Variants in ATP5MC2 observed in about 807,000 individuals in gnomAD.
ATP5MC2 encodes the protein ATP synthase membrane subunit c locus 2.
In ATP5MC2, 11 loss-of-function variants were observed where a neutral mutation model predicts 13.5. That is an observed-to-expected ratio of 0.81 (90% CI 0.51 to 1.35). ATP5MC2 has a LOEUF of 1.35. Among genes scored for constraint, ATP5MC2 ranks in the 40% most tolerant of loss-of-function variants. ATP5MC2 has a pLI of 0.00. For synonymous variants in ATP5MC2, 64 were observed against 69.7 expected, an observed-to-expected ratio of 0.92 and a Z score of 0.41; for missense variants, 132 against 175.0, an observed-to-expected ratio of 0.75 and a Z score of 1.39.
upstream of ATP5MC2, chr12:53,676,147 C>G: frequency 3.1e-6 from 5 of 1,614,240 alleles, no homozygotes; most frequent in Non-Finnish European, 4.2e-6. Context: ...ACGAGTCGCT[C>G]AGCCACGGAT....
chr12:53,676,346 G>T, upstream of ATP5MC2: 1 of 1,157,340 alleles, frequency 8.6e-7, no homozygotes, highest in Non-Finnish European at 1.2e-6. Context: ...GGTCTGTACC[G>T]CGTTTGGGAT....
chr12:53,677,902 G>A (rs1945313778), upstream of ATP5MC2, among the ~76,000 whole-genome samples: 2 of 152,214 alleles, frequency 1.3e-5, no homozygotes, highest in Admixed American at 1.3e-4. Flanking sequence ...ATTCTTTTAA[G>A]CTGTCAGCTT....
chr12:53,668,241 G>C (rs1333064733), intron 4 of ATP5MC2, among the ~76,000 whole-genome samples: 1 of 150,752 alleles, frequency 6.6e-6, no homozygotes, highest in Non-Finnish European at 1.5e-5. Flanking sequence ...CACTCGCCTT[G>C]ACCTCCCAAA....
upstream of ATP5MC2, chr12:53,676,098 G>A (rs149471306): frequency 7.4e-6 from 12 of 1,614,272 alleles, no homozygotes; most frequent in Admixed American, 1.7e-5. Context: ...GCAGCGGGAA[G>A]AGCGAAAGGA....
intron 1 of ATP5MC2, among the ~76,000 whole-genome samples, chr12:53,675,471 C>G (rs1004836311): frequency 2.0e-5 from 3 of 152,184 alleles, no homozygotes; most frequent in African/African-American, 7.2e-5. Context: ...TCTCTTCTGC[C>G]TTAGCTATCC....
intron 2 of ATP5MC2, 89 bp downstream of exon 2, chr12:53,672,487 C>G (rs10876480): frequency 0.28 from 393,876 of 1,382,922 alleles, 57,612 homozygotes; most frequent in Admixed American, 0.39. Flanking sequence ...CTCCTCTCCC[C>G]CAGCCTTGCT....
chr12:53,669,073 G>A (rs1349569461), intron 4 of ATP5MC2, 75 bp downstream of exon 4: 5 of 1,531,190 alleles, frequency 3.3e-6, no homozygotes, highest in Non-Finnish European at 4.4e-6. Flanking sequence ...GGATAGTATA[G>A]TTCTAGACCC....
At position 53,676,052 on chromosome 12, in the gene ATP5MC2, C is replaced by A; in HGVS notation, c.-32+1G>T. On this transcript the variant is annotated splice_donor_variant, in intron 1 of 4. Transcript: ENST00000394349. LOFTEE classifies it low-confidence loss of function (5UTR_SPLICE). ...GAGGGCTCTAGGTCCCAAGGCCTTA[C>A]CTGCTCCCACTGCAGAGAAGACAGA... 6.2e-7 allele frequency: 1 copy of A among 1,613,676 alleles called. No homozygotes were observed. Among genetic ancestry groups the A allele is most frequent in the Non-Finnish European group, 8.5e-7 (1 of 1,179,892 alleles).
upstream of ATP5MC2, among the ~76,000 whole-genome samples, chr12:53,679,520 G>A (rs1945329958): frequency 1.3e-5 from 2 of 152,142 alleles, no homozygotes; most frequent in African/African-American, 2.4e-5. Context: ...TTCATCTCTC[G>A]AAGCTTTAGT....
At chr12:53,675,515 C>T (rs1040903626) in intron 1 of ATP5MC2, among the ~76,000 whole-genome samples, 3 of 152,148 alleles carry the variant, frequency 2.0e-5, no homozygotes, top group African/African-American at 7.2e-5. Context: ...GATGTTTTGG[C>T]TTTTTTTCCC....
In ATP5MC2 at chr12:53,672,630, A is replaced by G. The variant is rs1945135695; in HGVS notation, c.-16T>C. The G allele has an allele frequency of 6.3e-7, 1 of 1,580,458 alleles. No individual in the cohort carries two copies. Among genetic ancestry groups the G allele is most frequent in the Non-Finnish European group, 8.6e-7 (1 of 1,162,820 alleles). On this transcript the variant is annotated 5_prime_UTR_variant, in exon 2 of 5. Coordinates refer to ENST00000394349, the MANE Select transcript of ATP5MC2 (RefSeq NM_005176.7). Reference sequence around the variant, plus strand: ...AGGCGAACATTTTCAGGGGGTGAGGAGCTGTGGCAGGAGAGCTGGAATTAC... The same window carrying G: ...AGGCGAACATTTTCAGGGGGTGAGGGGCTGTGGCAGGAGAGCTGGAATTAC...
chr12:53,676,296 C>A (rs1417857438), upstream of ATP5MC2: 2 of 1,524,178 alleles, frequency 1.3e-6, no homozygotes, highest in African/African-American at 2.7e-5. Flanking sequence ...ATGAGGCCAA[C>A]TCCGCGGAGT....
rs1215446048 is a variant in ATP5MC2 at position 53,665,395 on chromosome 12, G to A, written c.345C>T (p.Tyr115=). The A allele has an allele frequency of 1.9e-6, 3 of 1,614,186 alleles. No homozygotes were observed. The highest frequency in any genetic ancestry group is 8.5e-7 in the Non-Finnish European group (1 of 1,180,030). The change falls in exon 5 of 5, where the codon TAC becomes TAT. Residue 115 remains tyrosine (Y), a synonymous_variant. Coordinates refer to ENST00000394349, the MANE Select transcript of ATP5MC2 (RefSeq NM_005176.7). The part of the protein sequence containing the change: ...NPSLKQQLFS[Y]AILGFALSEA... ...CCGAGAGGGCAAAGCCCAGAATGGC[G>A]TAGGAGAAGAGCTGTTGCTTCAGAG... is the stretch of plus-strand genomic sequence containing the variant.
chr12:53,669,724 C>T (rs1333737182), intron 3 of ATP5MC2, 147 bp downstream of exon 3: 3 of 847,646 alleles, frequency 3.5e-6, no homozygotes, highest in African/African-American at 3.4e-5. Flanking sequence ...TAAGTGTCCT[C>T]CATCTCCACC....
chr12:53,677,467 T>G (rs962946184), upstream of ATP5MC2: 2 of 152,216 alleles, frequency 1.3e-5, no homozygotes, highest in African/African-American at 4.8e-5. Flanking sequence ...GGCCAATCCA[T>G]CTTGCAGGCG....
rs540975630 is a variant in ATP5MC2 at position 53,676,081 on chromosome 12, G to C, written c.-60C>G. On this transcript the variant is annotated 5_prime_UTR_variant, in exon 1 of 5. Coordinates refer to ENST00000394349, the MANE Select transcript of ATP5MC2 (RefSeq NM_005176.7). ...CTCCCACTGCAGAGAAGACAGAGAG[G>C]GGCGGAGCAGCGGGAAGAGCGAAAG... is the stretch of plus-strand genomic sequence containing the variant. 1.9e-6 allele frequency: 3 copies of C among 1,614,132 alleles called. No individual in the cohort carries two copies. The South Asian group carries it at 3.3e-5, about 18-fold the overall frequency.
chr12:53,670,017 C>T (rs909662704), intron 2 of ATP5MC2, 69 bp from the exon 3 acceptor site: 3 of 1,400,170 alleles, frequency 2.1e-6, no homozygotes, highest in East Asian at 2.3e-5. Flanking sequence ...AACTATGCCA[C>T]GTTGTTACAT....
Position 53,676,038 on chromosome 12 carries a change from G to T in ATP5MC2, c.-32+15C>A. The T allele has an allele frequency of 6.2e-7, 1 of 1,612,604 alleles. No homozygotes were observed. Among genetic ancestry groups the T allele is most frequent in the Non-Finnish European group, 8.5e-7 (1 of 1,179,590 alleles). ...GTGCGCAGCGCACAGAGGGCTCTAGGTCCCAAGGCCTTACCTGCTCCCACT... is the reference window on the plus strand; with the variant it reads ...GTGCGCAGCGCACAGAGGGCTCTAGTTCCCAAGGCCTTACCTGCTCCCACT... On this transcript the variant is annotated intron_variant, in intron 1 of 4. Coordinates refer to ENST00000394349, the MANE Select transcript of ATP5MC2 (RefSeq NM_005176.7).
At chr12:53,669,406 C>T in intron 3 of ATP5MC2, 65 bp from the exon 4 acceptor site, 1 of 1,500,556 alleles carries the variant, frequency 6.7e-7, no homozygotes, top group Non-Finnish European at 8.9e-7. Context: ...CCATTTAAAA[C>T]CCTTTAAGCT....
Sources: gnomAD v4.1 joint callset for allele counts (sites outside exome capture counted in the v4.1 genomes callset) on GRCh38, gnomAD v4.1.1 for gene constraint, MANE v1.5 for transcripts, NCBI Gene and HGNC (gene_info 2026-07-23, HGNC 2026-07-21) for gene names.